The following DGCR2 variants were observed in gnomAD, a reference collection of about 807,000 sequenced individuals.
The protein encoded by DGCR2 is integral membrane protein DGCR2/IDD.
Under a neutral mutation model 51.6 loss-of-function variants are expected in DGCR2, and 24 were observed. That is an observed-to-expected ratio of 0.47 (90% CI 0.34 to 0.65). The LOEUF is 0.65. Among genes scored for constraint, DGCR2 ranks in the 30% least tolerant of loss-of-function variants. The pLI is 0.01. For missense variants in DGCR2, 765 were observed against 772.1 expected (o/e 0.99, Z 0.11); for synonymous variants, 340 against 315.4 (o/e 1.08, Z -0.82).
intron 1 of DGCR2, among the ~76,000 whole-genome samples, chr22:19,116,027 A>G (rs931761649): frequency 6.6e-6 from 1 of 152,212 alleles, no homozygotes; most frequent in African/African-American, 2.4e-5. Context: ...TCCTCACAAC[A>G]TCTCTATAAA....
At chr22:19,096,174 CTTA>C (rs140999397) in intron 1 of DGCR2, among the ~76,000 whole-genome samples, 5,539 of 152,200 alleles carry the variant, frequency 0.036, 298 homozygotes, top group African/African-American at 0.13. Context: ...TTTCTAACTT[CTTA>C]TTATTTTGCC....
chr22:19,090,812 A>G (rs1311234751), intron 1 of DGCR2, among the ~76,000 whole-genome samples: 2 of 54,954 alleles, frequency 3.6e-5, no homozygotes, highest in African/African-American at 8.8e-5. Context: ...CAAAAGAAGG[A>G]AAAAAAAAAG....
At position 19,122,228 on chromosome 22, in the gene DGCR2, CG is replaced by C; in HGVS notation, c.-23del. 2 of 1,296,420 alleles carry C rather than the reference CG, an allele frequency of 1.5e-6. No homozygotes were observed. Among genetic ancestry groups the C allele is most frequent in the Non-Finnish European group, 1.0e-6 (1 of 969,156 alleles). The allele number at this position is 1,296,420 out of a possible 1,614,324, so 80.3% of individuals were successfully genotyped here. On this transcript the variant is annotated 5_prime_UTR_variant, in exon 1 of 10. Coordinates refer to ENST00000263196, the MANE Select transcript of DGCR2 (RefSeq NM_005137.3). Reference sequence around the variant, plus strand: ...CCATTTATCCTCCGTTCATCGTCCCCGGGGCGGCTGGAAGGCCGGACCAGGC... The same window carrying C: ...CCATTTATCCTCCGTTCATCGTCCCCGGGCGGCTGGAAGGCCGGACCAGGC...
chr22:19,053,543 T>G (rs1438113540), intron 6 of DGCR2, among the ~76,000 whole-genome samples: 1 of 152,114 alleles, frequency 6.6e-6, no homozygotes, highest in African/African-American at 2.4e-5. Flanking sequence ...ATCAACGCCC[T>G]GCACTGTACT....
intron 6 of DGCR2, among the ~76,000 whole-genome samples, chr22:19,054,250 G>A (rs75349074): frequency 0.016 from 2,489 of 152,228 alleles, 86 homozygotes; most frequent in East Asian, 0.061. Flanking sequence ...CTTAATTAAG[G>A]TCCACAGTAT....
intron 9 of DGCR2, 24 bp from the exon 10 acceptor site, chr22:19,039,145 T>A (rs1028944652): frequency 1.2e-6 from 2 of 1,611,608 alleles, no homozygotes; most frequent in Non-Finnish European, 1.7e-6. Flanking sequence ...CAGAGGGGTG[T>A]CAGAGGCAGG....
intron 1 of DGCR2, among the ~76,000 whole-genome samples, chr22:19,117,917 T>C (rs1436307238): frequency 6.6e-6 from 1 of 152,180 alleles, no homozygotes; most frequent in Admixed American, 6.5e-5. Context: ...CAGTACTGGC[T>C]ACAGAGGAAA....
intron 1 of DGCR2, among the ~76,000 whole-genome samples, chr22:19,104,767 A>G (rs542197334): frequency 6.6e-6 from 1 of 152,354 alleles, no homozygotes; most frequent in Admixed American, 6.5e-5. Context: ...GCCTTACTGC[A>G]CATTCTGTCT....
intron 6 of DGCR2, among the ~76,000 whole-genome samples, chr22:19,049,825 T>TAAA (rs2082529824): frequency 1.1e-5 from 1 of 88,038 alleles, no homozygotes; most frequent in African/African-American, 5.5e-5. Flanking sequence ...AGACTCTGTC[T>TAAA]CAAAAAAAAA....
chr22:19,044,546 A>AT (rs146182620), intron 7 of DGCR2, among the ~76,000 whole-genome samples: 2,542 of 152,314 alleles, frequency 0.017, 73 homozygotes, highest in African/African-American at 0.058. Context: ...ACACCTCACC[A>AT]TGCCTCTGGG....
In DGCR2 at chr22:19,048,632, C is replaced by T. The variant is rs934317113; in HGVS notation, c.814G>A (p.Val272Ile). 13 of 1,614,218 alleles carry T rather than the reference C, an allele frequency of 8.1e-6. No individual in the cohort carries two copies. Among genetic ancestry groups the T allele is most frequent in the Non-Finnish European group, 1.0e-5 (12 of 1,180,022 alleles). ...SFLCKRSQTC[V>I]DIKDNVVDEG... The stretch of plus-strand genomic sequence containing the variant: ...TCCACCACGTTGTCCTTGATGTCAA[C>T]ACATGTTTGACCTGCAATGAGCATA... Residue 272 changes from valine (V) to isoleucine (I), a missense_variant, in exon 7 of 10, where the codon GTT (valine) becomes ATT (isoleucine). Coordinates refer to ENST00000263196, the MANE Select transcript of DGCR2 (RefSeq NM_005137.3).
At chr22:19,119,259 C>G (rs2083405995) in intron 1 of DGCR2, among the ~76,000 whole-genome samples, 2 of 152,278 alleles carry the variant, frequency 1.3e-5, no homozygotes, top group African/African-American at 4.8e-5. Context: ...GGGGGAAGGC[C>G]AGACTCCTAC....
intron 2 of DGCR2, among the ~76,000 whole-genome samples, chr22:19,072,462 G>A (rs956482713): frequency 3.9e-5 from 6 of 152,116 alleles, no homozygotes; most frequent in Non-Finnish European, 8.8e-5. Flanking sequence ...AACCACAGAG[G>A]AAAATAGCAC....
Position 19,038,257 on chromosome 22 carries a change from G to A in DGCR2, c.*608C>T, listed in dbSNP as rs2082392267. On this transcript the variant is annotated 3_prime_UTR_variant, in exon 10 of 10. Coordinates refer to ENST00000263196, the MANE Select transcript of DGCR2 (RefSeq NM_005137.3). ...CCTTCTCAGGGCTTCAGGTTCCAGA[G>A]CCCCAGGGGAGCTCCCAGCCAGGGG... 2 of 153,414 alleles carry A rather than the reference G, an allele frequency of 1.3e-5. No individual in the cohort carries two copies. Among genetic ancestry groups the A allele is most frequent in the African/African-American group, 4.8e-5 (2 of 41,450 alleles). 9.5% of individuals were successfully genotyped at this position (153,414 alleles called of 1,614,324 possible).
chr22:19,093,080 G>C (rs936322722), intron 1 of DGCR2, among the ~76,000 whole-genome samples: 1 of 152,190 alleles, frequency 6.6e-6, no homozygotes, highest in African/African-American at 2.4e-5. Context: ...ATTCAGAATA[G>C]CCAGGCCCAG....
Position 19,116,050 on chromosome 22 carries a change from T to C in DGCR2, c.79+6078A>G, listed in dbSNP as rs560996070. Among the ~76,000 whole-genome samples the C allele has an allele frequency of 1.6e-3, 244 of 152,384 alleles. 3 individuals carry two copies. The highest frequency in any genetic ancestry group is 5.7e-3 in the African/African-American group (236 of 41,586). ...ACATCTCTATAAAGCTCTGTTACGA[T>C]GTCCATGTTCCAAATGAGGAAACTG... On this transcript the variant is annotated intron_variant, in intron 1 of 9. Transcript: ENST00000263196.
At chr22:19,084,762 G>T (rs1337816087) in intron 2 of DGCR2, among the ~76,000 whole-genome samples, 41 of 145,250 alleles carry the variant, frequency 2.8e-4, no homozygotes, top group African/African-American at 8.9e-4. Flanking sequence ...GGAGGGAGGT[G>T]GGGGGTCAGC....
intron 1 of DGCR2, among the ~76,000 whole-genome samples, chr22:19,114,062 G>GAA (rs55948025): frequency 4.1e-4 from 33 of 80,950 alleles, no homozygotes; most frequent in South Asian, 8.8e-4. Context: ...TCCATTTGAG[G>GAA]AAAAAAAAAA....
At chr22:19,112,290 A>C (rs1601311287) in intron 1 of DGCR2, among the ~76,000 whole-genome samples, 2 of 150,442 alleles carry the variant, frequency 1.3e-5, no homozygotes, top group Admixed American at 1.3e-4. Context: ...AAAAAAAAAA[A>C]AACCTAGGAA....
Sources: allele counts gnomAD v4.1 joint callset (sites outside exome capture counted in the v4.1 genomes callset), GRCh38; gene constraint gnomAD v4.1.1; transcripts MANE v1.5; gene names NCBI Gene and HGNC (gene_info 2026-07-23, HGNC 2026-07-21).